SEC31B: variants seen among roughly 807,000 people sequenced by gnomAD.
SEC31B encodes the protein SEC31 homolog B, COPII component.
Under a neutral mutation model 135.0 loss-of-function variants are expected in SEC31B, and 113 were observed. The observed-to-expected ratio is 0.84, with a 90% CI of 0.72 to 0.98. The LOEUF (loss-of-function observed/expected upper bound fraction) is 0.98, where lower values mean the gene tolerates loss of function less well. Ranked by LOEUF, SEC31B falls within the 50% of genes least tolerant of loss-of-function variation. SEC31B has a pLI of 0.00. For missense variants in SEC31B, 1,296 were observed against 1,421.1 expected, an observed-to-expected ratio of 0.91 and a Z score of 1.42; for synonymous variants, 508 against 549.4, an observed-to-expected ratio of 0.92 and a Z score of 1.05.
At position 100,498,728 on chromosome 10, in the gene SEC31B, G is replaced by T. The variant is rs758403999; in HGVS notation, c.1661C>A (p.Pro554His). Residue 554 changes from proline to histidine, a missense_variant, in exon 14 of 26, where the codon CCT becomes CAT. Transcript: ENST00000370345. ...FDELVPQNMTPWEIPITKDID... is the reference protein window; with the variant it reads ...FDELVPQNMTHWEIPITKDID... ...ACCTTTTGTGATGGGGATCTCCCAAGGAGTCATGTTCTGAGGGACCAGCTC... is the reference window on the plus strand; with the variant it reads ...ACCTTTTGTGATGGGGATCTCCCAATGAGTCATGTTCTGAGGGACCAGCTC... 2 of 1,613,568 alleles carry T rather than the reference G, an allele frequency of 1.2e-6. No individual in the cohort carries two copies. The highest frequency in any genetic ancestry group is 8.5e-7 in the Non-Finnish European group (1 of 1,179,604).
At position 100,487,330 on chromosome 10, in the gene SEC31B, C is replaced by T. The variant is rs77903607; in HGVS notation, c.*286G>A. ...AGAAGATCCCTGGGGGAGAAGATATCCTGCCCCAGGTCCTTACAGAGTGTA... is the reference window on the plus strand; with the variant it reads ...AGAAGATCCCTGGGGGAGAAGATATTCTGCCCCAGGTCCTTACAGAGTGTA... On this transcript the variant is annotated 3_prime_UTR_variant, in exon 26 of 26. Transcript: ENST00000370345. The T allele has an allele frequency of 0.011, 4,070 of 379,488 alleles. 149 individuals carry two copies. The highest frequency in any genetic ancestry group is 0.077 in the African/African-American group (3,667 of 47,568). 23.5% of individuals were successfully genotyped at this position (379,488 alleles called of 1,614,324 possible). A position where few individuals can be genotyped will look rare whatever the true frequency, so the allele number is the denominator to read the frequency against.
At chr10:100,507,876 C>G in intron 6 of SEC31B, 32 bp downstream of exon 6, 14 of 1,613,988 alleles carry the variant, frequency 8.7e-6, no homozygotes, top group Non-Finnish European at 1.2e-5. Flanking sequence ...GAAGCCAGAG[C>G]CCAAGCCTGT....
In SEC31B at chr10:100,519,818, G is replaced by A. The variant is rs1442427652; in HGVS notation, c.-82C>T. 6.6e-6 allele frequency: 1 copy of A among 152,288 alleles called. No individual in the cohort carries two copies. Among genetic ancestry groups the A allele is most frequent in the Non-Finnish European group, 1.5e-5 (1 of 68,100 alleles). 9.4% of individuals were successfully genotyped at this position (152,288 alleles called of 1,614,324 possible). A position where few individuals can be genotyped will look rare whatever the true frequency, so the allele number is the denominator to read the frequency against. On this transcript the variant is annotated 5_prime_UTR_variant, in exon 1 of 26. Coordinates refer to ENST00000370345, the MANE Select transcript of SEC31B (RefSeq NM_015490.4). ...ACCCCGGACAAGGGTCAGGCGCGGC[G>A]GCCGGAGCCGCTCCTCTGGCAGGGC...
At position 100,497,761 on chromosome 10, in the gene SEC31B, C is replaced by T. The variant is rs1276549780; in HGVS notation, c.1896G>A (p.Lys632=). The change falls in exon 16 of 26, where the codon AAG becomes AAA. Residue 632 remains lysine (K), a synonymous_variant. Transcript: ENST00000370345. ...TCAGGCTACAGGTACACACCACATC[C>T]TTCCAATTCTTTTGCACAACACAGG... The part of the protein sequence containing the change: ...LLACVVQKNW[K]DVVCTCSLKN... 9.9e-6 allele frequency: 16 copies of T among 1,614,136 alleles called. No homozygotes were observed. The highest frequency in any genetic ancestry group is 3.3e-5 in the Admixed American group (2 of 60,010).
At chr10:100,489,516 G>A in intron 22 of SEC31B, 118 bp from the exon 23 acceptor site, 10 of 1,379,144 alleles carry the variant, frequency 7.3e-6, no homozygotes, top group African/African-American at 1.4e-5. Flanking sequence ...GGGAAACTGG[G>A]AAGTGAGGAG....
rs569693022 is a variant in SEC31B, at chr10:100,492,317, C to T, written c.2473-1434G>A. Among the ~76,000 whole-genome samples, 12 of 152,302 alleles carry T rather than the reference C, an allele frequency of 7.9e-5. No individual in the cohort carries two copies. In the East Asian group the frequency reaches 1.5e-3, roughly 20 times the overall value. Reference sequence around the variant, plus strand: ...TCAGCTCACTGCAACCTCCACCTCCCGGGTTCAAGCGACTCTCCAGCCTTG... The same window carrying T: ...TCAGCTCACTGCAACCTCCACCTCCTGGGTTCAAGCGACTCTCCAGCCTTG... On this transcript the variant is annotated intron_variant, in intron 19 of 25. Coordinates refer to ENST00000370345, the MANE Select transcript of SEC31B (RefSeq NM_015490.4).
intron 12 of SEC31B, 121 bp downstream of exon 12, chr10:100,499,403 T>A: frequency 3.7e-6 from 4 of 1,090,108 alleles, no homozygotes; most frequent in Middle Eastern, 2.0e-4. Context: ...AACTCCAGGA[T>A]GTAAAATGCT....
In SEC31B at chr10:100,490,697, C is replaced by T. The variant is rs1423689607; in HGVS notation, c.2650+9G>A. 1.3e-6 allele frequency: 2 copies of T among 1,559,496 alleles called. No individual in the cohort carries two copies. The highest frequency in any genetic ancestry group is 2.3e-5 in the East Asian group (1 of 43,384). Reference sequence around the variant, plus strand: ...CTCTGCCCAGATAGATCTTCAGTGACTCACTCACCAGGCCTTACCCCAGGG... The same window carrying T: ...CTCTGCCCAGATAGATCTTCAGTGATTCACTCACCAGGCCTTACCCCAGGG... On this transcript the variant is annotated intron_variant, in intron 20 of 25. Coordinates refer to ENST00000370345, the MANE Select transcript of SEC31B (RefSeq NM_015490.4).
At chr10:100,488,802 G>A (rs891787062) in intron 24 of SEC31B, 56 bp downstream of exon 24, 4 of 1,525,752 alleles carry the variant, frequency 2.6e-6, no homozygotes, top group Non-Finnish European at 3.5e-6. Context: ...CAGCTGAGGG[G>A]TCCTGGAGCC....
intron 3 of SEC31B, among the ~76,000 whole-genome samples, chr10:100,510,853 A>G (rs886829635): frequency 6.6e-6 from 1 of 152,248 alleles, no homozygotes; most frequent in African/African-American, 2.4e-5. Flanking sequence ...CAATGATCTT[A>G]ATACAGCAGA....
chr10:100,505,413 G>A lies in SEC31B; in HGVS notation c.1127C>T (p.Pro376Leu). Residue 376 changes from proline to leucine, a missense_variant, in exon 10 of 26, where the codon CCC (proline) becomes CTC (leucine). Coordinates refer to ENST00000370345, the MANE Select transcript of SEC31B (RefSeq NM_015490.4). ...AATCCATTTGGGGGGTTTTTTCAGG[G>A]GAGGTATCAGTGGTGCTTGTGCCAC... ...EQVAQAPLIP[P>L]LKKPPKWIRR... The A allele has an allele frequency of 1.2e-6, 2 of 1,609,654 alleles. No homozygotes were observed. The highest frequency in any genetic ancestry group is 1.7e-6 in the Non-Finnish European group (2 of 1,177,754).
At chr10:100,510,944 C>A (rs1851725559) in intron 3 of SEC31B, among the ~76,000 whole-genome samples, 1 of 152,220 alleles carries the variant, frequency 6.6e-6, no homozygotes, top group Non-Finnish European at 1.5e-5. Context: ...GGCATGTCAA[C>A]TGAGTAGCTA....
chr10:100,499,247 C>A lies in SEC31B; in HGVS notation c.1497G>T (p.Trp499Cys), dbSNP rs185616140. Residue 499 changes from tryptophan to cysteine, a missense_variant, in exon 13 of 26, where the codon TGG (tryptophan) becomes TGT (cysteine). By Grantham distance (215) the Trp-to-Cys change is radical. Transcript: ENST00000370345. The stretch of plus-strand genomic sequence containing the variant: ...CACCTAGCCCCACGTCACTCTTCAA[C>A]CATGTGGCCACCTGCAGGGAGAGAC... The part of the protein sequence containing the change: ...KDELQKKVAT[W>C]LKSDVGLGES... 52 of 1,612,450 alleles carry A rather than the reference C, an allele frequency of 3.2e-5. No individual in the cohort carries two copies. Among genetic ancestry groups the A allele is most frequent in the Non-Finnish European group, 6.8e-6 (8 of 1,179,260 alleles).
intron 18 of SEC31B, 146 bp downstream of exon 18, chr10:100,496,112 C>T: frequency 1.2e-6 from 1 of 823,786 alleles, no homozygotes; most frequent in South Asian, 1.8e-5. Context: ...TGATCTTCCC[C>T]CAGTAGATTG....
chr10:100,499,265 GGA>G lies in SEC31B; in HGVS notation c.1486-9_1486-8del. On this transcript the variant is annotated splice_polypyrimidine_tract_variant and splice_region_variant and intron_variant, in intron 12 of 25. Coordinates refer to ENST00000370345, the MANE Select transcript of SEC31B (RefSeq NM_015490.4). The stretch of plus-strand genomic sequence containing the variant: ...TCTTCAACCATGTGGCCACCTGCAG[GGA>G]GAGACCTCTGAAAACCGCTCTTTCA... 1 of 1,607,118 alleles carries G rather than the reference GGA, an allele frequency of 6.2e-7. No homozygotes were observed. Among genetic ancestry groups the G allele is most frequent in the Non-Finnish European group, 8.5e-7 (1 of 1,175,908 alleles).
chr10:100,489,526 G>A (rs1368796505), intron 22 of SEC31B, 128 bp from the exon 23 acceptor site: 1 of 1,356,346 alleles, frequency 7.4e-7, no homozygotes, highest in Non-Finnish European at 1.0e-6. Flanking sequence ...GAAGTGAGGA[G>A]ACTGGTGTAT....
Position 100,506,199 on chromosome 10 carries a change from C to T in SEC31B, c.885G>A (p.Val295=). ...TGCTCTGTGTTGGTAGCTTATATACCACCTAATATGAGGGAACACACCATT... is the reference window on the plus strand; with the variant it reads ...TGCTCTGTGTTGGTAGCTTATATACTACCTAATATGAGGGAACACACCATT... The part of the protein sequence containing the change: ...ILCRNLGSSE[V]VYKLPTQSSW... The change falls in exon 9 of 26, where the codon GTG becomes GTA. Residue 295 remains valine (V), a splice_region_variant and synonymous_variant. Transcript: ENST00000370345. 6.2e-7 allele frequency: 1 copy of T among 1,614,168 alleles called. No individual in the cohort carries two copies. Among genetic ancestry groups the T allele is most frequent in the East Asian group, 2.2e-5 (1 of 44,882 alleles).
In SEC31B at chr10:100,496,392, C is replaced by G; in HGVS notation, c.2176G>C (p.Glu726Gln). ...EKVMVLNRSLEQLRGPHGVSP... is the reference protein window; with the variant it reads ...EKVMVLNRSLQQLRGPHGVSP... Reference sequence around the variant, plus strand: ...ACCCCATGAGGACCCCGCAGTTGCTCCAAGCTCCTGTTAAGAACCATCACC... The same window carrying G: ...ACCCCATGAGGACCCCGCAGTTGCTGCAAGCTCCTGTTAAGAACCATCACC... Residue 726 changes from glutamate (E) to glutamine (Q), a missense_variant, in exon 18 of 26, where the codon GAG (glutamate) becomes CAG (glutamine). By Grantham distance (29) the Glu-to-Gln change is conservative (BLOSUM62 2). Coordinates refer to ENST00000370345, the MANE Select transcript of SEC31B (RefSeq NM_015490.4). 6.2e-7 allele frequency: 1 copy of G among 1,614,156 alleles called. No homozygotes were observed. Among genetic ancestry groups the G allele is most frequent in the Non-Finnish European group, 8.5e-7 (1 of 1,180,012 alleles).
At chr10:100,489,810 G>C in intron 21 of SEC31B, 49 bp from the exon 22 acceptor site, 5 of 1,612,530 alleles carry the variant, frequency 3.1e-6, no homozygotes, top group Non-Finnish European at 4.2e-6. Flanking sequence ...GAAAAACACT[G>C]GAAGTTTTTT....
Sources: gnomAD v4.1 joint callset for allele counts (sites outside exome capture counted in the v4.1 genomes callset) on GRCh38, gnomAD v4.1.1 for gene constraint, MANE v1.5 for transcripts, NCBI Gene and HGNC (gene_info 2026-07-23, HGNC 2026-07-21) for gene names.